The following LRRC4C variants were observed in gnomAD, a reference collection of about 807,000 sequenced individuals.
LRRC4C encodes the protein leucine-rich repeat-containing protein 4C.
LRRC4C carries 5 observed loss-of-function variants against 33.6 expected under a neutral mutation model. The observed-to-expected ratio is 0.15, with a 90% CI of 0.08 to 0.31. LRRC4C has a LOEUF of 0.31. Among genes scored for constraint, LRRC4C ranks in the 10% least tolerant of loss-of-function variants. The pLI is 1.00. For missense variants in LRRC4C, 560 were observed against 796.7 expected, an observed-to-expected ratio of 0.70 and a Z score of 3.58; for synonymous variants, 329 against 302.0, an observed-to-expected ratio of 1.09 and a Z score of -0.93.
At chr11:40,591,617 C>A (rs1380575929) in intron 3 of LRRC4C, among the ~76,000 whole-genome samples, 2 of 152,154 alleles carry the variant, frequency 1.3e-5, no homozygotes. Flanking sequence ...CATTCAAGAT[C>A]AGTAGCTTTC....
At chr11:40,136,222 T>TA (rs776749981) in intron 6 of LRRC4C, among the ~76,000 whole-genome samples, 1,893 of 142,126 alleles carry the variant, frequency 0.013, 22 homozygotes, top group African/African-American at 0.03. Flanking sequence ...CCTGGTCTCC[T>TA]AAAAAAAAAA....
intron 1 of LRRC4C, among the ~76,000 whole-genome samples, chr11:41,160,393 A>AC (rs2136021003): frequency 6.6e-6 from 1 of 152,046 alleles, no homozygotes; most frequent in East Asian, 1.9e-4. Flanking sequence ...AAAAAAAAAA[A>AC]AAATACATAA....
At chr11:40,838,008 C>A (rs1408808824) in intron 2 of LRRC4C, among the ~76,000 whole-genome samples, 3 of 152,038 alleles carry the variant, frequency 2.0e-5, no homozygotes, top group Non-Finnish European at 4.4e-5. Flanking sequence ...TAATTAAATG[C>A]ATCTACTAGT....
At chr11:41,066,249 C>T (rs2135396112) in intron 1 of LRRC4C, among the ~76,000 whole-genome samples, 1 of 152,254 alleles carries the variant, frequency 6.6e-6, no homozygotes, top group East Asian at 1.9e-4. Context: ...AAAAACACAG[C>T]ATGAGAACTT....
intron 2 of LRRC4C, among the ~76,000 whole-genome samples, chr11:40,834,346 C>A (rs1952557934): frequency 6.6e-6 from 1 of 151,770 alleles, no homozygotes; most frequent in African/African-American, 2.4e-5. Flanking sequence ...TGGTACACAT[C>A]TGTAATCCCA....
intron 1 of LRRC4C, among the ~76,000 whole-genome samples, chr11:41,097,930 C>T (rs1395482762): frequency 6.6e-6 from 1 of 152,056 alleles, no homozygotes; most frequent in African/African-American, 2.4e-5. Context: ...CCTTGTCCTG[C>T]TTTGTACCTC....
At chr11:40,158,259 G>T (rs1285091117) in intron 5 of LRRC4C, among the ~76,000 whole-genome samples, 2 of 152,026 alleles carry the variant, frequency 1.3e-5, no homozygotes, top group South Asian at 2.1e-4. Flanking sequence ...TTGGGGACTT[G>T]GGGGGAAGAG....
chr11:41,112,851 G>T (rs982445336), intron 1 of LRRC4C, among the ~76,000 whole-genome samples: 10 of 151,978 alleles, frequency 6.6e-5, no homozygotes, highest in African/African-American at 2.4e-4. Flanking sequence ...CACTAATGTG[G>T]TAGAAAAACA....
chr11:40,974,667 G>T (rs1435857390), intron 1 of LRRC4C, among the ~76,000 whole-genome samples: 1 of 152,212 alleles, frequency 6.6e-6, no homozygotes, highest in Non-Finnish European at 1.5e-5. Flanking sequence ...ACACTTAGGT[G>T]TGTCTGAGAA....
At chr11:41,059,119 T>C (rs1314612862) in intron 1 of LRRC4C, among the ~76,000 whole-genome samples, 1 of 150,856 alleles carries the variant, frequency 6.6e-6, no homozygotes, top group Admixed American at 6.6e-5. Flanking sequence ...GCTTATTACC[T>C]AGATGATGAA....
At chr11:40,703,644 A>C (rs1945995174) in intron 2 of LRRC4C, among the ~76,000 whole-genome samples, 1 of 152,116 alleles carries the variant, frequency 6.6e-6, no homozygotes, top group African/African-American at 2.4e-5. Context: ...TAATTAGGAG[A>C]AAAAATATTG....
At chr11:40,396,398 A>G (rs1226503790) in intron 3 of LRRC4C, among the ~76,000 whole-genome samples, 2 of 152,210 alleles carry the variant, frequency 1.3e-5, no homozygotes, top group East Asian at 3.9e-4. Context: ...CCTCTGGGGC[A>G]TAATGTCCCT....
intron 2 of LRRC4C, among the ~76,000 whole-genome samples, chr11:40,672,718 A>G (rs1179644777): frequency 6.6e-6 from 1 of 152,310 alleles, no homozygotes; most frequent in African/African-American, 2.4e-5. Context: ...AGTTGTGGAA[A>G]CAAGCTAACA....
At chr11:40,699,049 C>A (rs1342617126) in intron 2 of LRRC4C, among the ~76,000 whole-genome samples, 1 of 152,118 alleles carries the variant, frequency 6.6e-6, no homozygotes, top group Admixed American at 6.6e-5. Flanking sequence ...ACTATTCACC[C>A]TTTCCTCATC....
chr11:40,362,178 A>G (rs1947985771), intron 3 of LRRC4C, among the ~76,000 whole-genome samples: 1 of 152,224 alleles, frequency 6.6e-6, no homozygotes, highest in Admixed American at 6.5e-5. Flanking sequence ...CAATATAGGC[A>G]ATACCATTCA....
At chr11:41,166,274 C>T (rs994759718) in intron 1 of LRRC4C, among the ~76,000 whole-genome samples, 3 of 152,174 alleles carry the variant, frequency 2.0e-5, no homozygotes, top group Admixed American at 6.5e-5. Flanking sequence ...AGCACAACCA[C>T]ACATATTTAA....
intron 4 of LRRC4C, among the ~76,000 whole-genome samples, chr11:40,309,437 TA>T (rs1205878564): frequency 8.5e-5 from 13 of 152,128 alleles, no homozygotes; most frequent in Admixed American, 5.9e-4. Context: ...GAGTAGACAA[TA>T]TTTTATTTCA....
chr11:41,421,255 G>A (rs1459259332), intron 1 of LRRC4C, among the ~76,000 whole-genome samples: 4 of 151,826 alleles, frequency 2.6e-5, no homozygotes, highest in Non-Finnish European at 5.9e-5. Context: ...CCAACCATAG[G>A]CTTTATGTCT....
chr11:40,762,181 C>T (rs1411524573), intron 2 of LRRC4C, among the ~76,000 whole-genome samples: 1 of 152,132 alleles, frequency 6.6e-6, no homozygotes, highest in Non-Finnish European at 1.5e-5. Flanking sequence ...CTGATGTAGG[C>T]TAATGACGTG....
Sources: allele counts gnomAD v4.1 joint callset (sites outside exome capture counted in the v4.1 genomes callset), GRCh38; gene constraint gnomAD v4.1.1; transcripts MANE v1.5; gene names NCBI Gene and HGNC (gene_info 2026-07-23, HGNC 2026-07-21).